LSP1: variants seen among roughly 807,000 people sequenced by gnomAD.
The protein encoded by LSP1 is lymphocyte-specific protein 1.
A neutral mutation model predicts 49.3 loss-of-function variants in LSP1; 32 were observed. The ratio of observed to expected loss-of-function variants is 0.65; its 90% CI spans 0.49 to 0.87. The LOEUF (loss-of-function observed/expected upper bound fraction) is 0.87. Among genes scored for constraint, LSP1 ranks in the 40% least tolerant of loss-of-function variants. LSP1 has a pLI of 0.00. For synonymous variants in LSP1, 179 were observed against 178.8 expected (o/e 1.00, Z -0.01); for missense variants, 428 against 442.6 (o/e 0.97, Z 0.30).
chr11:1,854,569 G>C (rs564234608), intron 1 of LSP1, among the ~76,000 whole-genome samples: 1 of 152,162 alleles, frequency 6.6e-6, no homozygotes, highest in Non-Finnish European at 1.5e-5. Context: ...GTACAGGTGC[G>C]GGGGGCCACT....
At chr11:1,885,036 C>T (rs1357225807) in intron 7 of LSP1, among the ~76,000 whole-genome samples, 1 of 151,970 alleles carries the variant, frequency 6.6e-6, no homozygotes, top group African/African-American at 2.4e-5. Flanking sequence ...CTTTATCCAA[C>T]CAGTACTCCT....
In LSP1 at chr11:1,866,446, A is replaced by C. The variant is rs116926702; in HGVS notation, c.53+13249A>C. Reference sequence around the variant, plus strand: ...GGCTCACCCCTCCTCCCCAGCTCCCACTTGTTGGGTCCGTGCAGATGCAGA... The same window carrying C: ...GGCTCACCCCTCCTCCCCAGCTCCCCCTTGTTGGGTCCGTGCAGATGCAGA... On this transcript the variant is annotated intron_variant, in intron 1 of 10. Transcript: ENST00000311604. The C allele has an allele frequency of 1.4e-5, 21 of 1,454,186 alleles. No individual in the cohort carries two copies. In the East Asian group the frequency reaches 5.0e-4, roughly 35 times the overall value. 90.1% of individuals were successfully genotyped at this position (1,454,186 alleles called of 1,614,324 possible).
chr11:1,866,356 G>A (rs1346481338), intron 1 of LSP1: 9 of 933,064 alleles, frequency 9.6e-6, no homozygotes, highest in Middle Eastern at 5.6e-4. Flanking sequence ...GACTCTGAGA[G>A]GCCAGAGAGC....
chr11:1,886,772 T>C lies in LSP1; in HGVS notation c.758T>C (p.Ile253Thr), dbSNP rs1206197758. Residue 253 changes from isoleucine to threonine, a missense_variant, in exon 8 of 11, where the codon ATA becomes ACA. Ile to Thr is a moderately conservative substitution (Grantham distance 89). Transcript: ENST00000311604. ...RTPKLARQAS[I>T]ELPSMAVAST... Reference sequence around the variant, plus strand: ...CCCAAGCTAGCCCGCCAGGCCTCCATAGAGCTGCCCAGCATGGCTGTGGCC... The same window carrying C: ...CCCAAGCTAGCCCGCCAGGCCTCCACAGAGCTGCCCAGCATGGCTGTGGCC... 1.2e-6 allele frequency: 2 copies of C among 1,611,608 alleles called. No individual in the cohort carries two copies. Among genetic ancestry groups the C allele is most frequent in the Non-Finnish European group, 1.7e-6 (2 of 1,179,696 alleles).
At chr11:1,867,781 A>G (rs1284019694) in intron 1 of LSP1, among the ~76,000 whole-genome samples, 2 of 152,170 alleles carry the variant, frequency 1.3e-5, no homozygotes, top group Non-Finnish European at 1.5e-5. Flanking sequence ...TCCATTAAAA[A>G]TGGTGCTCTG....
chr11:1,887,813 C>T (rs1259379314), intron 10 of LSP1, among the ~76,000 whole-genome samples: 2 of 152,190 alleles, frequency 1.3e-5, no homozygotes, highest in Non-Finnish European at 2.9e-5. Flanking sequence ...TCAGCCACTG[C>T]TCCACTAGGG....
At chr11:1,856,628 A>G (rs575509555) in intron 1 of LSP1, among the ~76,000 whole-genome samples, 6 of 152,318 alleles carry the variant, frequency 3.9e-5, no homozygotes, top group African/African-American at 9.6e-5. Context: ...CCTTCTGGCC[A>G]TCTGTCCCTG....
intron 1 of LSP1, among the ~76,000 whole-genome samples, chr11:1,864,988 C>G (rs530329916): frequency 6.6e-6 from 1 of 151,772 alleles, no homozygotes; most frequent in African/African-American, 2.4e-5. Context: ...TGACAGCCAG[C>G]GAGAGACCGA....
At chr11:1,871,072 C>G in intron 1 of LSP1, 4 of 985,580 alleles carry the variant, frequency 4.1e-6, no homozygotes, top group Non-Finnish European at 4.8e-6. Flanking sequence ...GCGGAGGACG[C>G]TGATCGCGGA....
At chr11:1,871,309 G>A (rs1847995875) in intron 1 of LSP1, 2 of 986,190 alleles carry the variant, frequency 2.0e-6, no homozygotes, top group Non-Finnish European at 2.4e-6. Flanking sequence ...CCTAACCTCC[G>A]ACCCAGGCTG....
chr11:1,871,666 G>A (rs529250158), intron 1 of LSP1, among the ~76,000 whole-genome samples: 7 of 152,352 alleles, frequency 4.6e-5, no homozygotes, highest in South Asian at 4.1e-4. Flanking sequence ...GCCGCTGCAC[G>A]GGCACCCCTC....
chr11:1,881,419 C>A lies in LSP1; in HGVS notation c.192-13C>A. 1 of 1,560,336 alleles carries A rather than the reference C, an allele frequency of 6.4e-7. No individual in the cohort carries two copies. Among genetic ancestry groups the A allele is most frequent in the Non-Finnish European group, 8.7e-7 (1 of 1,151,954 alleles). On this transcript the variant is annotated splice_polypyrimidine_tract_variant and intron_variant, in intron 2 of 10. Transcript: ENST00000311604. Reference sequence around the variant, plus strand: ...CAGCCGCCCAGGCCTAAGCTCCCCCCTGCTACCCTCAGCCTCAGCCTGAAG... The same window carrying A: ...CAGCCGCCCAGGCCTAAGCTCCCCCATGCTACCCTCAGCCTCAGCCTGAAG...
At chr11:1,880,058 CG>C (rs765942586) in intron 1 of LSP1, 28 bp from the exon 2 acceptor site, 1 of 1,604,790 alleles carries the variant, frequency 6.2e-7, no homozygotes, top group East Asian at 2.3e-5. Context: ...TCGGCTGTGG[CG>C]TGACTGTCCC....
At chr11:1,886,410 A>G (rs1848750424) in intron 7 of LSP1, among the ~76,000 whole-genome samples, 1 of 152,188 alleles carries the variant, frequency 6.6e-6, no homozygotes, top group African/African-American at 2.4e-5. Context: ...CTGAAATTTA[A>G]CCATTGTCCC....
In LSP1 at chr11:1,884,165, G is replaced by C; in HGVS notation, c.592-115G>C. 3 of 1,430,480 alleles carry C rather than the reference G, an allele frequency of 2.1e-6. No individual in the cohort carries two copies. The highest frequency in any genetic ancestry group is 3.0e-6 in the Non-Finnish European group (3 of 1,015,570). 88.6% of individuals were successfully genotyped at this position (1,430,480 alleles called of 1,614,324 possible). Reference sequence around the variant, plus strand: ...ATCCCCCCATTGCCCGGTGCTCAGCGAACCCCCATGATATAAGGGTTGGGG... The same window carrying C: ...ATCCCCCCATTGCCCGGTGCTCAGCCAACCCCCATGATATAAGGGTTGGGG... On this transcript the variant is annotated intron_variant, in intron 5 of 10. Coordinates refer to ENST00000311604, the MANE Select transcript of LSP1 (RefSeq NM_002339.3). The surrounding 1 kb of genome is among the most constrained non-coding windows in gnomAD (Gnocchi z 4.1).
intron 2 of LSP1, 43 bp downstream of exon 2, chr11:1,880,267 C>T (rs762382226): frequency 3.1e-5 from 47 of 1,521,966 alleles, no homozygotes; most frequent in South Asian, 1.7e-4. Flanking sequence ...AGCCCCTATC[C>T]GTGTACCCTG....
intron 1 of LSP1, among the ~76,000 whole-genome samples, chr11:1,879,202 G>A (rs1292290286): frequency 2.0e-5 from 3 of 152,060 alleles, no homozygotes; most frequent in Non-Finnish European, 2.9e-5. Flanking sequence ...AAAATTAGCC[G>A]GGTATGGTGG....
Position 1,884,668 on chromosome 11 carries a change from G to A in LSP1, c.717+87G>A. On this transcript the variant is annotated intron_variant, in intron 7 of 10. Transcript: ENST00000311604. The surrounding 1 kb of genome is among the most constrained non-coding windows in gnomAD (Gnocchi z 4.1). ...CAACCAACGCCCTTCCATCCAATCA[G>A]TGCCGCCTTATTCAACCAACACCCT... The A allele has an allele frequency of 8.6e-7, 1 of 1,159,450 alleles. No homozygotes were observed. The highest frequency in any genetic ancestry group is 1.3e-6 in the Non-Finnish European group (1 of 787,892). 71.8% of individuals were successfully genotyped at this position (1,159,450 alleles called of 1,614,324 possible).
At chr11:1,890,316 G>A in intron 10 of LSP1, 1 of 711,618 alleles carries the variant, frequency 1.4e-6, no homozygotes. Flanking sequence ...TGGGGCTTCG[G>A]CGGGGTGCGG....
Sources: gnomAD v4.1 joint callset for allele counts (sites outside exome capture counted in the v4.1 genomes callset) on GRCh38, gnomAD v4.1.1 for gene constraint, Gnocchi (gnomAD v3.1) non-coding constraint, MANE v1.5 for transcripts, NCBI Gene and HGNC (gene_info 2026-07-23, HGNC 2026-07-21) for gene names.